KYAT3: variants seen among roughly 807,000 people sequenced by gnomAD.
KYAT3 encodes kynurenine--oxoglutarate transaminase 3.
In KYAT3, 50 loss-of-function variants were observed where a neutral mutation model predicts 59.0. The observed-to-expected ratio is 0.85, with a 90% CI of 0.68 to 1.07. The LOEUF (loss-of-function observed/expected upper bound fraction) is 1.07, where lower values mean the gene tolerates loss of function less well. Among genes scored for constraint, KYAT3 ranks in the 50% least tolerant of loss-of-function variants. KYAT3 has a pLI of 0.00. For synonymous variants in KYAT3, 148 were observed against 177.0 expected, an observed-to-expected ratio of 0.84 and a Z score of 1.30; for missense variants, 497 against 533.3, an observed-to-expected ratio of 0.93 and a Z score of 0.67.
At chr1:88,980,806 A>G (rs1295353030) in intron 2 of KYAT3, 2 of 152,196 alleles carry the variant, frequency 1.3e-5, no homozygotes, top group East Asian at 3.8e-4. Flanking sequence ...CCAAGTAATC[A>G]TAAGAATATG....
chr1:88,922,210 GC>G, the KYAT3 span, among the ~76,000 whole-genome samples: 2 of 152,114 alleles, frequency 1.3e-5, no homozygotes, highest in Admixed American at 1.3e-4. Flanking sequence ...ACAGAATGAG[GC>G]CCCCTCTCTC....
At chr1:88,941,340 A>G (rs1033596014) in intron 13 of KYAT3, among the ~76,000 whole-genome samples, 4 of 152,218 alleles carry the variant, frequency 2.6e-5, no homozygotes, top group African/African-American at 9.6e-5. Context: ...GTGAGTTGAT[A>G]GAGTGTCTTG....
intron 13 of KYAT3, among the ~76,000 whole-genome samples, 192 bp downstream of exon 13, chr1:88,942,813 C>T (rs1675290255): frequency 6.6e-6 from 1 of 152,040 alleles, no homozygotes; most frequent in Admixed American, 6.6e-5. Context: ...CAGCCCGCCT[C>T]GGCCTCCCAA....
the KYAT3 span, among the ~76,000 whole-genome samples, chr1:88,925,457 G>A: frequency 2.0e-5 from 3 of 152,056 alleles, no homozygotes; most frequent in Non-Finnish European, 4.4e-5. Flanking sequence ...GCTGTATCTC[G>A]AAAGGGATCT....
intron 13 of KYAT3, among the ~76,000 whole-genome samples, chr1:88,937,008 A>T (rs1420857769): frequency 6.6e-6 from 1 of 152,180 alleles, no homozygotes; most frequent in Non-Finnish European, 1.5e-5. Flanking sequence ...CATGGGTGTC[A>T]TGAGGTGATA....
At chr1:88,931,106 G>A (rs1473245807), downstream of KYAT3, among the ~76,000 whole-genome samples, 1 of 152,026 alleles carries the variant, frequency 6.6e-6, no homozygotes, top group Non-Finnish European at 1.5e-5. Context: ...GCTAACCAAT[G>A]GAAATTACTT....
At chr1:88,957,618 C>T (rs942568757) in intron 8 of KYAT3, among the ~76,000 whole-genome samples, 1 of 152,112 alleles carries the variant, frequency 6.6e-6, no homozygotes, top group African/African-American at 2.4e-5. Flanking sequence ...TTATGGGCTG[C>T]TACAAATAAA....
intron 2 of KYAT3, chr1:88,982,127 G>A (rs12068415): frequency 1.0e-6 from 1 of 980,496 alleles, no homozygotes; most frequent in African/African-American, 1.8e-5. Context: ...GGGTTTACTG[G>A]GTGAATAGCA....
intron 9 of KYAT3, among the ~76,000 whole-genome samples, chr1:88,953,402 T>C (rs1267691605): frequency 2.6e-5 from 4 of 151,920 alleles, no homozygotes; most frequent in Admixed American, 2.0e-4. Context: ...AAAAATTAGC[T>C]GGGCATGGTG....
intron 8 of KYAT3, among the ~76,000 whole-genome samples, chr1:88,956,931 G>A (rs1198452721): frequency 6.6e-6 from 1 of 152,078 alleles, no homozygotes; most frequent in Non-Finnish European, 1.5e-5. Flanking sequence ...TTGTTTTTCA[G>A]AAGCACAAGT....
chr1:88,988,429 G>GT, intron 1 of KYAT3, 78 bp from the exon 2 acceptor site: 1 of 785,476 alleles, frequency 1.3e-6, no homozygotes, highest in Non-Finnish European at 2.1e-6. Flanking sequence ...ACAGCTAGCT[G>GT]ATGTATCATA....
downstream of KYAT3, among the ~76,000 whole-genome samples, chr1:88,933,961 G>T (rs926429160): frequency 6.6e-6 from 1 of 152,142 alleles, no homozygotes; most frequent in African/African-American, 2.4e-5. Context: ...CATTATAACT[G>T]GAGGGAAGGA....
At chr1:88,982,436 C>A in intron 2 of KYAT3, 1 of 980,694 alleles carries the variant, frequency 1.0e-6, no homozygotes, top group South Asian at 1.9e-5. Context: ...TTAACATTTG[C>A]TTGTTGAAAA....
intron 2 of KYAT3, chr1:88,980,034 T>C (rs1235028420): frequency 6.6e-6 from 1 of 152,176 alleles, no homozygotes; most frequent in Non-Finnish European, 1.5e-5. Flanking sequence ...AATTTCAAAG[T>C]CATTGTGTGT....
chr1:88,934,989 ATTTTTTTTTT>A (rs59691903), downstream of KYAT3, among the ~76,000 whole-genome samples: 5 of 110,102 alleles, frequency 4.5e-5, no homozygotes, highest in Non-Finnish European at 7.2e-5. Flanking sequence ...TAAAGAAGTG[ATTTTTTTTTT>A]TTTTTTTTTT....
At chr1:88,962,635 G>C (rs1222403711) in intron 5 of KYAT3, among the ~76,000 whole-genome samples, 1 of 152,160 alleles carries the variant, frequency 6.6e-6, no homozygotes, top group African/African-American at 2.4e-5. Context: ...TGAGAGTAAA[G>C]ATGTTTCTCT....
chr1:88,947,135 G>A (rs555585880), intron 11 of KYAT3, among the ~76,000 whole-genome samples: 46 of 152,010 alleles, frequency 3.0e-4, no homozygotes, highest in Non-Finnish European at 6.0e-4. Context: ...TACTTGACTC[G>A]CCCACTGACC....
chr1:88,952,462 T>A (rs1297714894), intron 10 of KYAT3, among the ~76,000 whole-genome samples: 1 of 152,136 alleles, frequency 6.6e-6, no homozygotes, highest in Non-Finnish European at 1.5e-5. Flanking sequence ...TTGATGCTGT[T>A]CTCATGAGAG....
chr1:88,924,902 G>A, the KYAT3 span, among the ~76,000 whole-genome samples: 51 of 152,162 alleles, frequency 3.4e-4, no homozygotes, highest in Non-Finnish European at 3.2e-4. Context: ...TCACCGCATG[G>A]CCCAAGATTC....
Sources: allele counts gnomAD v4.1 joint callset (sites outside exome capture counted in the v4.1 genomes callset), GRCh38; gene constraint gnomAD v4.1.1; transcripts MANE v1.5; gene names NCBI Gene and HGNC (gene_info 2026-07-23, HGNC 2026-07-21).